PALD1: variants seen among roughly 807,000 people sequenced by gnomAD.
PALD1 encodes paladin.
In PALD1, 57 loss-of-function variants were observed where a neutral mutation model predicts 96.0. The ratio of observed to expected loss-of-function variants is 0.59; its 90% CI spans 0.48 to 0.74. The LOEUF is 0.74. Among genes scored for constraint, PALD1 ranks in the 30% least tolerant of loss-of-function variants. PALD1 has a pLI of 0.00. For synonymous variants in PALD1, 464 were observed against 473.6 expected (o/e 0.98, Z 0.26); for missense variants, 1,063 against 1,143.7 (o/e 0.93, Z 1.02).
intron 19 of PALD1, among the ~76,000 whole-genome samples, chr10:70,566,242 G>A (rs1052584968): frequency 2.0e-5 from 3 of 152,182 alleles, no homozygotes; most frequent in African/African-American, 7.2e-5. Flanking sequence ...TCTTCCTCCA[G>A]CCCTCCCTTT....
chr10:70,496,858 C>T (rs1247404900), intron 1 of PALD1, among the ~76,000 whole-genome samples: 3 of 152,270 alleles, frequency 2.0e-5, no homozygotes, highest in African/African-American at 7.2e-5. Flanking sequence ...AGAGGAAGAG[C>T]CTTGCCCAGG....
chr10:70,465,847 C>G, the PALD1 span, among the ~76,000 whole-genome samples: 1 of 152,164 alleles, frequency 6.6e-6, no homozygotes, highest in Non-Finnish European at 1.5e-5. Flanking sequence ...GCTTTGAACC[C>G]CTGCCAGGGT....
At chr10:70,538,803 C>T (rs1281509769) in intron 12 of PALD1, 89 bp from the exon 13 acceptor site, 1 of 1,085,556 alleles carries the variant, frequency 9.2e-7, no homozygotes, top group Non-Finnish European at 1.4e-6. Context: ...GGTTCCACCC[C>T]ACCCCCCGTC....
rs1320591135 is a variant in PALD1 at position 70,497,315 on chromosome 10, C to T, written c.-30+18256C>T. Among the ~76,000 whole-genome samples, 4 of 152,220 alleles carry T rather than the reference C, an allele frequency of 2.6e-5. 1 individual carries two copies. The East Asian group carries it at 5.8e-4, about 22-fold the overall frequency. ...ACCTTCTACTCACGTGTGCTCCTGG[C>T]GGGTGCAGGTGTGCACAGCTGCCTC... On this transcript the variant is annotated intron_variant, in intron 1 of 19. Coordinates refer to ENST00000263563, the MANE Select transcript of PALD1 (RefSeq NM_014431.3).
rs1178397552 is a variant in PALD1, at chr10:70,539,237, A to G, written c.1715A>G (p.Asp572Gly). The change falls in exon 14 of 20, where the codon GAC (aspartate) becomes GGC (glycine). Residue 572 changes from aspartate to glycine, a missense_variant. Asp to Gly is a moderately conservative substitution (Grantham distance 94, BLOSUM62 -1). Coordinates refer to ENST00000263563, the MANE Select transcript of PALD1 (RefSeq NM_014431.3). This position sits in a 1 kb window ranked among gnomAD's most constrained non-coding sequence, Gnocchi z 4.5. The stretch of plus-strand genomic sequence containing the variant: ...TGGCCTGGGCCCCCTGTGGCTCCTG[A>G]CCAGCTGGAGGTGAGGCCCCCTGCC... The part of the protein sequence containing the change: ...LRWPGPPVAP[D>G]QLETLEAQLK... 1 of 1,609,644 alleles carries G rather than the reference A, an allele frequency of 6.2e-7. No individual in the cohort carries two copies. Among genetic ancestry groups the G allele is most frequent in the Non-Finnish European group, 8.5e-7 (1 of 1,178,430 alleles).
chr10:70,546,699 C>A (rs1847371218), intron 17 of PALD1, among the ~76,000 whole-genome samples: 1 of 152,214 alleles, frequency 6.6e-6, no homozygotes, highest in South Asian at 2.1e-4. Flanking sequence ...GAATAACTTT[C>A]CAGCACTTTG....
the PALD1 span, among the ~76,000 whole-genome samples, chr10:70,468,203 T>G: frequency 6.6e-6 from 1 of 151,904 alleles, no homozygotes; most frequent in African/African-American, 2.4e-5. Context: ...TCTGTCGGAG[T>G]AGTTGCCTGT....
At chr10:70,506,614 A>C (rs1846396525) in intron 1 of PALD1, among the ~76,000 whole-genome samples, 1 of 152,134 alleles carries the variant, frequency 6.6e-6, no homozygotes, top group Non-Finnish European at 1.5e-5. Flanking sequence ...TTAAGAATTC[A>C]GTGTTTGTGA....
At chr10:70,476,390 G>A (rs543829244), upstream of PALD1, among the ~76,000 whole-genome samples, 44 of 152,328 alleles carry the variant, frequency 2.9e-4, no homozygotes, top group African/African-American at 1.0e-3. Flanking sequence ...CCAGGCCCAC[G>A]GTGGGGCAGA....
chr10:70,552,241 C>T (rs1042702855), intron 18 of PALD1, among the ~76,000 whole-genome samples: 17 of 152,222 alleles, frequency 1.1e-4, no homozygotes, highest in Non-Finnish European at 1.9e-4. Flanking sequence ...CTTACATCAT[C>T]GCATTCCGTG....
intron 1 of PALD1, among the ~76,000 whole-genome samples, chr10:70,495,742 C>A (rs1564685087): frequency 6.6e-6 from 1 of 151,536 alleles, no homozygotes; most frequent in Non-Finnish European, 1.5e-5. Flanking sequence ...TGGTGGCTCA[C>A]ACCTGTAATC....
intron 1 of PALD1, among the ~76,000 whole-genome samples, chr10:70,521,768 A>G (rs1589193067): frequency 6.6e-6 from 1 of 151,828 alleles, no homozygotes; most frequent in East Asian, 1.9e-4. Flanking sequence ...TCCTAACCTC[A>G]AGTGATCTGC....
intron 1 of PALD1, among the ~76,000 whole-genome samples, chr10:70,497,498 T>G (rs981930383): frequency 3.3e-5 from 5 of 152,046 alleles, no homozygotes; most frequent in Admixed American, 3.3e-4. Context: ...TCTTTCCATA[T>G]CTGCTCCATC....
rs117802189 is a variant in PALD1 at position 70,527,528 on chromosome 10, A to G, written c.185+1392A>G. Among the ~76,000 whole-genome samples the G allele has an allele frequency of 9.7e-3, 1,480 of 152,324 alleles. 19 individuals carry two copies. The highest frequency in any genetic ancestry group is 0.015 in the Non-Finnish European group (1,041 of 68,032). On this transcript the variant is annotated intron_variant, in intron 2 of 19. Transcript: ENST00000263563. ...GTATCTGTGGATGCTTAGGGCCTCA[A>G]TGGCAGAATTGAGTAGTTGCAACAG...
chr10:70,513,140 T>A (rs1361389362), intron 1 of PALD1, among the ~76,000 whole-genome samples: 1 of 152,216 alleles, frequency 6.6e-6, no homozygotes, highest in East Asian at 1.9e-4. Flanking sequence ...TTTTCAGTTT[T>A]ACTTTTGAAA....
intron 1 of PALD1, among the ~76,000 whole-genome samples, chr10:70,496,411 C>T (rs1040208320): frequency 3.3e-5 from 5 of 152,162 alleles, no homozygotes; most frequent in African/African-American, 4.8e-5. Flanking sequence ...TGCCCCTTCC[C>T]GGTCCTTTCC....
intron 1 of PALD1, among the ~76,000 whole-genome samples, chr10:70,485,127 C>T (rs1845996221): frequency 6.6e-6 from 1 of 151,978 alleles, no homozygotes; most frequent in Non-Finnish European, 1.5e-5. Flanking sequence ...AACAAGATTA[C>T]AGAGTACGAA....
intron 1 of PALD1, among the ~76,000 whole-genome samples, chr10:70,486,726 A>C (rs906688529): frequency 6.6e-6 from 1 of 152,110 alleles, no homozygotes; most frequent in African/African-American, 2.4e-5. Flanking sequence ...GCGCCACTGC[A>C]CCCCAGCCTG....
chr10:70,531,026 G>A (rs1482454055), intron 4 of PALD1, among the ~76,000 whole-genome samples: 1 of 152,210 alleles, frequency 6.6e-6, no homozygotes, highest in Non-Finnish European at 1.5e-5. Flanking sequence ...TTCATTGATA[G>A]TACAAAGCAG....
Sources: allele counts gnomAD v4.1 joint callset (sites outside exome capture counted in the v4.1 genomes callset), GRCh38; gene constraint gnomAD v4.1.1; non-coding constraint Gnocchi (gnomAD v3.1); transcripts MANE v1.5; gene names NCBI Gene and HGNC (gene_info 2026-07-23, HGNC 2026-07-21).